The following PAQR5 variants were observed in gnomAD, a reference collection of about 807,000 sequenced individuals.
The protein encoded by PAQR5 is membrane progestin receptor gamma.
In PAQR5, 20 loss-of-function variants were observed where a neutral mutation model predicts 34.5. The observed-to-expected ratio is 0.58, with a 90% confidence interval of 0.41 to 0.84. The LOEUF (loss-of-function observed/expected upper bound fraction) is 0.84, where lower values mean the gene tolerates loss of function less well. PAQR5 is among the 40% of genes least tolerant of loss of function. The pLI is 0.00. For missense variants in PAQR5, 378 were observed against 412.7 expected (o/e 0.92, Z 0.73); for synonymous variants, 131 against 155.6 (o/e 0.84, Z 1.18).
Position 69,385,439 on chromosome 15 carries a change from AT to A in PAQR5, c.385+558del, listed in dbSNP as rs1453750984. 1.3e-5 allele frequency among the ~76,000 whole-genome samples: 2 copies of A among 152,172 alleles called. No individual in the cohort carries two copies. Among genetic ancestry groups the A allele is most frequent in the Non-Finnish European group, 2.9e-5 (2 of 68,034 alleles). ...AGGAGGGTGAGGTCATGAGCCTCGT[AT>A]ATCCAGAGGCTTAGCACAATCAGAG... On this transcript the variant is annotated intron_variant, in intron 5 of 8. Coordinates refer to ENST00000395407, the MANE Select transcript of PAQR5 (RefSeq NM_017705.4). This position sits in a 1 kb window ranked among gnomAD's most constrained non-coding sequence, Gnocchi z 4.7.
chr15:69,387,850 C>G (rs1207098236), intron 5 of PAQR5, among the ~76,000 whole-genome samples: 1 of 152,178 alleles, frequency 6.6e-6, no homozygotes, highest in African/African-American at 2.4e-5. Context: ...CAGGCTGCAC[C>G]ACGGGAGCCT....
At chr15:69,300,586 T>C (rs191784104) in intron 1 of PAQR5, among the ~76,000 whole-genome samples, 1 of 76,714 alleles carries the variant, frequency 1.3e-5, no homozygotes. Flanking sequence ...TCTTTCTTTC[T>C]TTCCTTCTTT....
chr15:69,390,260 CCCACCT>C (rs1479222991), intron 6 of PAQR5, among the ~76,000 whole-genome samples: 1 of 152,164 alleles, frequency 6.6e-6, no homozygotes, highest in African/African-American at 2.4e-5. Flanking sequence ...AGGTAATCCA[CCCACCT>C]TGGCCCTCCA....
Position 69,360,002 on chromosome 15 carries a change from A to C in PAQR5, c.-79A>C, listed in dbSNP as rs1455552060. 5.4e-6 allele frequency: 6 copies of C among 1,119,888 alleles called. No individual in the cohort carries two copies. Among genetic ancestry groups the C allele is most frequent in the Non-Finnish European group, 8.2e-6 (6 of 735,246 alleles). 69.4% of individuals were successfully genotyped at this position (1,119,888 alleles called of 1,614,324 possible). A position where few individuals can be genotyped will look rare whatever the true frequency, so the allele number is the denominator to read the frequency against. ...AGCACCAGCTAGGCAGAGACGCCCC[A>C]GGCCATGTTAGAGCTTTGAGTGAGG... On this transcript the variant is annotated 5_prime_UTR_variant, in exon 3 of 9. Coordinates refer to ENST00000395407, the MANE Select transcript of PAQR5 (RefSeq NM_017705.4).
chr15:69,310,284 C>T (rs2053802496), intron 1 of PAQR5, among the ~76,000 whole-genome samples: 1 of 152,060 alleles, frequency 6.6e-6, no homozygotes, highest in Non-Finnish European at 1.5e-5. Context: ...ATTGGTGGTT[C>T]ATGGGTATGT....
At chr15:69,330,120 T>C (rs2054346184) in intron 1 of PAQR5, among the ~76,000 whole-genome samples, 2 of 152,126 alleles carry the variant, frequency 1.3e-5, no homozygotes, top group African/African-American at 4.8e-5. Flanking sequence ...TCTATGTGCC[T>C]CTCCCCATCT....
chr15:69,310,721 T>C (rs917402020), intron 1 of PAQR5, among the ~76,000 whole-genome samples: 4 of 152,070 alleles, frequency 2.6e-5, no homozygotes, highest in African/African-American at 7.2e-5. Flanking sequence ...TTATTATTAT[T>C]GCTGTTACTG....
chr15:69,299,347 C>T (rs2053470350), intron 1 of PAQR5, among the ~76,000 whole-genome samples: 1 of 152,222 alleles, frequency 6.6e-6, no homozygotes, highest in Non-Finnish European at 1.5e-5. Flanking sequence ...GTTGCCTTCT[C>T]GCACCTTTTC....
rs1001482403 is a variant in PAQR5 at position 69,405,658 on chromosome 15, C to A, written c.*1836C>A. On this transcript the variant is annotated 3_prime_UTR_variant, in exon 9 of 9. Transcript: ENST00000395407. The stretch of plus-strand genomic sequence containing the variant: ...GTTTAAATACCCCTTTCTAGTAATG[C>A]CAAAGACATACAGTGTTTTACATTC... 1 of 152,098 alleles carries A rather than the reference C, an allele frequency of 6.6e-6. No homozygotes were observed. The highest frequency in any genetic ancestry group is 1.5e-5 in the Non-Finnish European group (1 of 68,006). 9.4% of individuals were successfully genotyped at this position (152,098 alleles called of 1,614,324 possible). A position where few individuals can be genotyped will look rare whatever the true frequency, so the allele number is the denominator to read the frequency against.
At chr15:69,377,284 C>T (rs1448572493) in intron 3 of PAQR5, among the ~76,000 whole-genome samples, 1 of 152,166 alleles carries the variant, frequency 6.6e-6, no homozygotes, top group East Asian at 1.9e-4. Context: ...GAAGGCTTTC[C>T]GAGTCCTGCC....
At chr15:69,304,136 C>T (rs1418019877) in intron 1 of PAQR5, among the ~76,000 whole-genome samples, 1 of 152,142 alleles carries the variant, frequency 6.6e-6, no homozygotes, top group African/African-American at 2.4e-5. Flanking sequence ...GTGACTGAGG[C>T]CATTGTAGGC....
At chr15:69,339,550 G>A (rs939802848) in intron 2 of PAQR5, among the ~76,000 whole-genome samples, 2 of 152,146 alleles carry the variant, frequency 1.3e-5, no homozygotes, top group East Asian at 3.9e-4. Flanking sequence ...TCAGCTCACT[G>A]CAGCCTCTGC....
intron 4 of PAQR5, among the ~76,000 whole-genome samples, chr15:69,383,247 G>C (rs1260230549): frequency 1.3e-5 from 2 of 150,648 alleles, no homozygotes; most frequent in African/African-American, 4.9e-5. Context: ...GGTCCTCCAT[G>C]TTCATCATGG....
At chr15:69,374,181 A>G (rs973661321) in intron 3 of PAQR5, among the ~76,000 whole-genome samples, 3 of 152,210 alleles carry the variant, frequency 2.0e-5, no homozygotes, top group African/African-American at 7.2e-5. Flanking sequence ...CATATCAACA[A>G]TGGTTGGTTA....
At chr15:69,352,081 A>G (rs1476361755) in intron 2 of PAQR5, among the ~76,000 whole-genome samples, 1 of 152,218 alleles carries the variant, frequency 6.6e-6, no homozygotes, top group African/African-American at 2.4e-5. Flanking sequence ...ATGACCCAGC[A>G]GATCCATTGG....
chr15:69,321,692 G>A (rs959307538), intron 1 of PAQR5, among the ~76,000 whole-genome samples: 7 of 152,172 alleles, frequency 4.6e-5, no homozygotes, highest in Middle Eastern at 3.2e-3. Flanking sequence ...TGCAGTTTTC[G>A]TGAACACAGC....
At chr15:69,373,872 G>T (rs1208059114) in intron 3 of PAQR5, among the ~76,000 whole-genome samples, 2 of 152,034 alleles carry the variant, frequency 1.3e-5, no homozygotes, top group Non-Finnish European at 2.9e-5. Flanking sequence ...CTAAAGTGCT[G>T]AGATTACAGG....
chr15:69,318,868 C>T lies in PAQR5; in HGVS notation c.-276-18473C>T, dbSNP rs574633436. Among the ~76,000 whole-genome samples the T allele has an allele frequency of 3.9e-3, 597 of 151,908 alleles. 1 individual carries two copies. Among genetic ancestry groups the T allele is most frequent in the South Asian group, 0.012 (58 of 4,802 alleles). ...ATACGATGCCAGGTGCAGTGGCTCA[C>T]GCCTGTAATCCCAGCACTTTGGGAG... On this transcript the variant is annotated intron_variant, in intron 1 of 8. Coordinates refer to ENST00000395407, the MANE Select transcript of PAQR5 (RefSeq NM_017705.4).
At chr15:69,374,421 A>G (rs2055648032) in intron 3 of PAQR5, among the ~76,000 whole-genome samples, 2 of 152,192 alleles carry the variant, frequency 1.3e-5, no homozygotes, top group South Asian at 4.1e-4. Flanking sequence ...CACGTCTGTA[A>G]TCCCAGCATT....
Sources: allele counts gnomAD v4.1 joint callset (sites outside exome capture counted in the v4.1 genomes callset), GRCh38; gene constraint gnomAD v4.1.1; non-coding constraint Gnocchi (gnomAD v3.1); transcripts MANE v1.5; gene names NCBI Gene and HGNC (gene_info 2026-07-23, HGNC 2026-07-21).